The following CPNE4 variants were observed in gnomAD, a reference collection of about 807,000 sequenced individuals.
The protein encoded by CPNE4 is copine-4.
A neutral mutation model predicts 67.9 loss-of-function variants in CPNE4; 25 were observed. That is an observed-to-expected ratio of 0.37 (90% CI 0.27 to 0.51). The LOEUF (loss-of-function observed/expected upper bound fraction) is 0.51, where lower values mean the gene tolerates loss of function less well. CPNE4 is among the 20% of genes least tolerant of loss of function. The probability of loss-of-function intolerance (pLI) is 0.93; values close to 1 mark genes in which losing one functional copy is unlikely to be tolerated. For missense variants in CPNE4, 464 were observed against 690.8 expected (o/e 0.67, Z 3.68); for synonymous variants, 242 against 244.9 (o/e 0.99, Z 0.11).
chr3:131,977,890 C>G (rs965665133), intron 1 of CPNE4, among the ~76,000 whole-genome samples: 2 of 150,658 alleles, frequency 1.3e-5, no homozygotes, highest in African/African-American at 4.9e-5. Flanking sequence ...GCCTTTGCAT[C>G]CTCATAGCTT....
At chr3:131,778,842 A>T (rs1383154093) in intron 2 of CPNE4, among the ~76,000 whole-genome samples, 1 of 152,110 alleles carries the variant, frequency 6.6e-6, no homozygotes, top group Non-Finnish European at 1.5e-5. Flanking sequence ...TAGACAGAGT[A>T]ATCAGGCAAG....
intron 7 of CPNE4, among the ~76,000 whole-genome samples, chr3:131,608,567 C>T (rs563700810): frequency 1.6e-4 from 25 of 152,112 alleles, no homozygotes; most frequent in African/African-American, 5.8e-4. Flanking sequence ...GTTATGCCTG[C>T]TGAAATGGAG....
chr3:131,977,719 G>A (rs2072702122), intron 1 of CPNE4, among the ~76,000 whole-genome samples: 1 of 151,888 alleles, frequency 6.6e-6, no homozygotes, highest in Non-Finnish European at 1.5e-5. Flanking sequence ...CAGGGGTACA[G>A]GTGATATTTG....
intron 14 of CPNE4, among the ~76,000 whole-genome samples, chr3:131,544,613 A>G (rs1935715701): frequency 6.6e-6 from 1 of 152,194 alleles, no homozygotes; most frequent in South Asian, 2.1e-4. Context: ...TTGAGAGTTT[A>G]GAGAAGGCTT....
intron 10 of CPNE4, among the ~76,000 whole-genome samples, chr3:131,566,959 T>C (rs1289188129): frequency 6.6e-6 from 1 of 151,974 alleles, no homozygotes; most frequent in African/African-American, 2.4e-5. Flanking sequence ...TGGCAGGTGT[T>C]GCTACTTTAT....
intron 2 of CPNE4, among the ~76,000 whole-genome samples, chr3:131,828,560 T>G (rs973698492): frequency 6.6e-6 from 1 of 152,230 alleles, no homozygotes; most frequent in Non-Finnish European, 1.5e-5. Context: ...AAATTATTTC[T>G]GGTTTGAGCT....
intron 2 of CPNE4, among the ~76,000 whole-genome samples, chr3:131,836,707 C>T (rs932392171): frequency 2.0e-5 from 3 of 152,104 alleles, no homozygotes; most frequent in African/African-American, 4.8e-5. Flanking sequence ...TGAACCATAA[C>T]AGAAAGTTGG....
chr3:131,917,009 T>C (rs2089204992), intron 1 of CPNE4, among the ~76,000 whole-genome samples: 3 of 152,184 alleles, frequency 2.0e-5, no homozygotes, highest in African/African-American at 7.2e-5. Flanking sequence ...AGGCTTTTCA[T>C]CATCTGCCAG....
intron 1 of CPNE4, among the ~76,000 whole-genome samples, chr3:131,908,180 C>G (rs139539647): frequency 4.2e-4 from 64 of 152,250 alleles, no homozygotes; most frequent in African/African-American, 1.4e-3. Flanking sequence ...CGTACAGAGT[C>G]ATACATCCCT....
intron 11 of CPNE4, among the ~76,000 whole-genome samples, chr3:131,562,810 CAAGTT>C (rs1397451803): frequency 2.6e-5 from 4 of 152,004 alleles, no homozygotes; most frequent in Non-Finnish European, 5.9e-5. Context: ...TGTTGAAATT[CAAGTT>C]ATCTTCATAG....
intron 2 of CPNE4, among the ~76,000 whole-genome samples, chr3:131,761,210 C>CTTTTT (rs151161125): frequency 8.4e-6 from 1 of 119,480 alleles, no homozygotes; most frequent in East Asian, 2.5e-4. Context: ...TCACTTCGTA[C>CTTTTT]TTTTTTTTTT....
intron 2 of CPNE4, among the ~76,000 whole-genome samples, chr3:131,783,320 T>G (rs1300634140): frequency 6.6e-6 from 1 of 152,152 alleles, no homozygotes; most frequent in African/African-American, 2.4e-5. Flanking sequence ...GCATCAGTTT[T>G]GGCCATCCAT....
chr3:131,564,086 A>C (rs574133948), intron 11 of CPNE4, 130 bp downstream of exon 11: 2 of 1,060,552 alleles, frequency 1.9e-6, no homozygotes, highest in African/African-American at 3.1e-5. Flanking sequence ...GTACAGAGGG[A>C]ATGAAACTTT....
intron 7 of CPNE4, among the ~76,000 whole-genome samples, chr3:131,591,806 G>C (rs1201956496): frequency 1.3e-5 from 2 of 152,162 alleles, no homozygotes; most frequent in African/African-American, 2.4e-5. Context: ...TGACAGCTCT[G>C]ATGCAGCTGA....
chr3:131,901,715 T>C (rs1009963512), intron 2 of CPNE4, among the ~76,000 whole-genome samples: 1 of 152,086 alleles, frequency 6.6e-6, no homozygotes, highest in Non-Finnish European at 1.5e-5. Context: ...ATCCAGCTTC[T>C]GCTGGATGGC....
chr3:131,890,823 T>C (rs748608318), intron 2 of CPNE4, among the ~76,000 whole-genome samples: 9 of 152,274 alleles, frequency 5.9e-5, no homozygotes, highest in Non-Finnish European at 8.8e-5. Context: ...CAGAAAGATA[T>C]GATGCTAAGT....
intron 7 of CPNE4, among the ~76,000 whole-genome samples, chr3:131,635,833 G>GAACATACCAGTAAAGC (rs1202552516): frequency 1.5e-4 from 20 of 130,830 alleles, no homozygotes; most frequent in African/African-American, 4.1e-4. Flanking sequence ...ACTACTGCAG[G>GAACATACCAGTAAAGC]CACTTTGGGA....
intron 11 of CPNE4, among the ~76,000 whole-genome samples, chr3:131,562,625 G>T (rs1298559838): frequency 6.6e-6 from 1 of 151,902 alleles, no homozygotes; most frequent in East Asian, 1.9e-4. Context: ...TGTGTGTGTG[G>T]TATAAAGAAG....
chr3:131,696,481 T>C, intron 5 of CPNE4, 61 bp downstream of exon 5: 1 of 1,478,176 alleles, frequency 6.8e-7, no homozygotes, highest in Non-Finnish European at 9.4e-7. Context: ...GGGGGAAATC[T>C]GATTAAACTG....
Sources: allele counts gnomAD v4.1 joint callset (sites outside exome capture counted in the v4.1 genomes callset), GRCh38; gene constraint gnomAD v4.1.1; transcripts MANE v1.5; gene names NCBI Gene and HGNC (gene_info 2026-07-23, HGNC 2026-07-21).